Variants in SHISAL1 observed in about 807,000 individuals in gnomAD.
SHISAL1 encodes shisa like 1.
A neutral mutation model predicts 22.6 loss-of-function variants in SHISAL1; 9 were observed. The ratio of observed to expected loss-of-function variants is 0.40; its 90% CI spans 0.24 to 0.70. The LOEUF is 0.70. Ranked by LOEUF, SHISAL1 falls within the 30% of genes least tolerant of loss-of-function variation. The probability of loss-of-function intolerance (pLI) is 0.39; values close to 1 mark genes in which losing one functional copy is unlikely to be tolerated. For synonymous variants in SHISAL1, 119 were observed against 115.4 expected (o/e 1.03, Z -0.20); for missense variants, 246 against 270.6 (o/e 0.91, Z 0.64).
At chr22:44,291,195 T>C (rs1357524556) in intron 3 of SHISAL1, among the ~76,000 whole-genome samples, 1 of 152,170 alleles carries the variant, frequency 6.6e-6, no homozygotes, top group Non-Finnish European at 1.5e-5. Context: ...CTACCCGGGA[T>C]AGGGGCTGCT....
In SHISAL1 at chr22:44,247,995, G is replaced by A. The variant is rs1384823768; in HGVS notation, c.*1690C>T. Reference sequence around the variant, plus strand: ...GGAATGCTCTTTTCCTATCTTTAACGCCCATTACTGGCTCCTGTGTGTCAT... The same window carrying A: ...GGAATGCTCTTTTCCTATCTTTAACACCCATTACTGGCTCCTGTGTGTCAT... On this transcript the variant is annotated 3_prime_UTR_variant, in exon 5 of 5. Coordinates refer to ENST00000381176, the MANE Select transcript of SHISAL1 (RefSeq NM_001099294.2). 1.3e-5 allele frequency: 2 copies of A among 151,986 alleles called. No individual in the cohort carries two copies. Among genetic ancestry groups the A allele is most frequent in the African/African-American group, 2.4e-5 (1 of 41,302 alleles). 9.4% of individuals were successfully genotyped at this position (151,986 alleles called of 1,614,324 possible).
intron 1 of SHISAL1, among the ~76,000 whole-genome samples, chr22:44,309,887 C>T (rs529767913): frequency 9.8e-5 from 15 of 152,372 alleles, no homozygotes; most frequent in East Asian, 5.8e-4. Context: ...CGAGGCTCCA[C>T]GCCTGCATAT....
At position 44,285,703 on chromosome 22, in the gene SHISAL1, G is replaced by A. The variant is rs775909681; in HGVS notation, c.324C>T (p.Phe108=). ...ALLGVWIYGF[F]VLMLLVLDLL... is the part of the protein sequence containing the mutation. ...GGTCCAGAACCAGCAGCATCAACAC[G>A]AAAAATCCATAGATCCACACTCCCA... The change falls in exon 4 of 5, where the codon TTC becomes TTT. Residue 108 remains phenylalanine (F), a synonymous_variant. Transcript: ENST00000381176. 1.9e-6 allele frequency: 3 copies of A among 1,613,976 alleles called. No homozygotes were observed. Among genetic ancestry groups the A allele is most frequent in the Admixed American group, 1.7e-5 (1 of 59,998 alleles).
At chr22:44,330,550 G>C in the SHISAL1 span, among the ~76,000 whole-genome samples, 1 of 152,206 alleles carries the variant, frequency 6.6e-6, no homozygotes, top group Non-Finnish European at 1.5e-5. Context: ...CAGCTAGCAA[G>C]AGTGGGGGAG....
intron 4 of SHISAL1, among the ~76,000 whole-genome samples, chr22:44,268,506 G>A (rs750085828): frequency 1.4e-4 from 22 of 152,208 alleles, no homozygotes; most frequent in Non-Finnish European, 2.9e-4. Flanking sequence ...GCCTGCCTGA[G>A]GTTAAACAGC....
intron 4 of SHISAL1, among the ~76,000 whole-genome samples, chr22:44,255,296 C>T (rs1424703174): frequency 1.3e-5 from 2 of 152,138 alleles, no homozygotes; most frequent in African/African-American, 2.4e-5. Context: ...TGATGGCCAA[C>T]GTGTCTACTC....
upstream of SHISAL1, among the ~76,000 whole-genome samples, chr22:44,315,301 A>G (rs2055551125): frequency 6.6e-6 from 1 of 152,106 alleles, no homozygotes; most frequent in African/African-American, 2.4e-5. Context: ...GCCCCCATCC[A>G]TTGCACACAG....
chr22:44,317,281 C>T (rs181947439), upstream of SHISAL1, among the ~76,000 whole-genome samples: 25 of 152,340 alleles, frequency 1.6e-4, no homozygotes, highest in East Asian at 3.9e-3. Flanking sequence ...GCTGCTGCAC[C>T]GACGAGCAGG....
the SHISAL1 span, among the ~76,000 whole-genome samples, chr22:44,329,925 A>G: frequency 2.6e-5 from 4 of 152,206 alleles, no homozygotes; most frequent in Non-Finnish European, 4.4e-5. Flanking sequence ...TCTGATTCCC[A>G]GCAAGGTTTG....
the SHISAL1 span, among the ~76,000 whole-genome samples, chr22:44,325,683 G>A: frequency 6.6e-6 from 1 of 152,102 alleles, no homozygotes; most frequent in African/African-American, 2.4e-5. Context: ...CTCCTTTAGG[G>A]AAACTTGGCC....
At chr22:44,295,003 T>G (rs932480794) in intron 3 of SHISAL1, among the ~76,000 whole-genome samples, 1 of 152,208 alleles carries the variant, frequency 6.6e-6, no homozygotes, top group Admixed American at 6.5e-5. Context: ...AATCCTTGGG[T>G]TAACCTATGA....
At chr22:44,285,345 T>G in intron 4 of SHISAL1, 83 bp downstream of exon 4, 1 of 1,435,412 alleles carries the variant, frequency 7.0e-7, no homozygotes, top group Non-Finnish European at 9.7e-7. Context: ...AGCCAAACAC[T>G]ATGGCGAGAG....
intron 4 of SHISAL1, among the ~76,000 whole-genome samples, chr22:44,252,055 A>C (rs1190565889): frequency 6.6e-6 from 1 of 152,234 alleles, no homozygotes; most frequent in Non-Finnish European, 1.5e-5. Flanking sequence ...AATTTGTGTA[A>C]CTGTAGGACT....
chr22:44,258,399 A>C (rs1326118658), intron 4 of SHISAL1, among the ~76,000 whole-genome samples: 2 of 152,206 alleles, frequency 1.3e-5, no homozygotes, highest in Non-Finnish European at 2.9e-5. Flanking sequence ...TTTGTTGTAC[A>C]GGTTATTTCA....
chr22:44,314,750 G>A (rs899187701), upstream of SHISAL1, among the ~76,000 whole-genome samples: 16 of 152,130 alleles, frequency 1.1e-4, no homozygotes, highest in Non-Finnish European at 2.4e-4. Context: ...GCTCACAGCG[G>A]CGCTATGGAA....
At chr22:44,284,030 C>T (rs1201146382) in intron 4 of SHISAL1, among the ~76,000 whole-genome samples, 1 of 152,110 alleles carries the variant, frequency 6.6e-6, no homozygotes, top group Non-Finnish European at 1.5e-5. Context: ...TGGCACAAAC[C>T]CCTGCCCAAG....
rs559304782 is a variant in SHISAL1, at chr22:44,258,032, C to T, written c.*-8347G>A. 7.3e-4 allele frequency among the ~76,000 whole-genome samples: 111 copies of T among 152,226 alleles called. 2 individuals carry two copies. The highest frequency in any genetic ancestry group is 1.3e-3 in the Non-Finnish European group (91 of 68,014). On this transcript the variant is annotated intron_variant, in intron 4 of 4. Coordinates refer to ENST00000381176, the MANE Select transcript of SHISAL1 (RefSeq NM_001099294.2). ...GCACACACCTGTAATCACAGCTACT[C>T]GGGAGGCTGAGGCAGGAGAATTGCT...
intron 4 of SHISAL1, among the ~76,000 whole-genome samples, chr22:44,250,224 T>C (rs2055038047): frequency 6.6e-6 from 1 of 152,234 alleles, no homozygotes; most frequent in Non-Finnish European, 1.5e-5. Context: ...TGATAAATTA[T>C]ATGGTCACCA....
chr22:44,284,904 T>C (rs1257915004), intron 4 of SHISAL1, among the ~76,000 whole-genome samples: 2 of 150,588 alleles, frequency 1.3e-5, no homozygotes, highest in Non-Finnish European at 3.0e-5. Context: ...CCTGCCTTCC[T>C]TCCTTCCTTC....
Sources: allele counts gnomAD v4.1 joint callset (sites outside exome capture counted in the v4.1 genomes callset), GRCh38; gene constraint gnomAD v4.1.1; transcripts MANE v1.5; gene names NCBI Gene and HGNC (gene_info 2026-07-23, HGNC 2026-07-21).